The following MIR2052HG variants were observed in gnomAD, a reference collection of about 807,000 sequenced individuals.
The protein encoded by MIR2052HG is MIR2052 host gene.
intron 2 of MIR2052HG, among the ~76,000 whole-genome samples, chr8:74,639,110 G>A (rs973705244): frequency 2.0e-5 from 3 of 152,160 alleles, no homozygotes; most frequent in African/African-American, 7.2e-5. Flanking sequence ...GGTTTGAGTA[G>A]CCTTGAGATC....
chr8:74,748,092 G>A (rs919860243), intron 4 of MIR2052HG, among the ~76,000 whole-genome samples: 1 of 152,050 alleles, frequency 6.6e-6, no homozygotes, highest in African/African-American at 2.4e-5. Context: ...GAATTTTATG[G>A]CCTTTGTTTT....
intron 4 of MIR2052HG, among the ~76,000 whole-genome samples, chr8:74,710,500 G>A (rs1248791797): frequency 1.3e-5 from 2 of 152,102 alleles, no homozygotes; most frequent in South Asian, 2.1e-4. Flanking sequence ...GGTGACACTT[G>A]TCTTAATTTA....
intron 4 of MIR2052HG, among the ~76,000 whole-genome samples, chr8:74,712,254 G>T (rs1240423192): frequency 6.6e-6 from 1 of 152,062 alleles, no homozygotes; most frequent in Non-Finnish European, 1.5e-5. Context: ...AGTTTGCTAG[G>T]GTAAATGCTT....
At chr8:74,706,843 G>A (rs944557393) in intron 4 of MIR2052HG, among the ~76,000 whole-genome samples, 1 of 152,060 alleles carries the variant, frequency 6.6e-6, no homozygotes, top group African/African-American at 2.4e-5. Flanking sequence ...TTCTTGGCGG[G>A]GAAGGGCATA....
chr8:74,608,922 C>A (rs1586887025), intron 1 of MIR2052HG, among the ~76,000 whole-genome samples: 1 of 151,760 alleles, frequency 6.6e-6, no homozygotes, highest in Admixed American at 6.6e-5. Context: ...AAAGTAAATA[C>A]TTTTTAATGT....
At chr8:74,695,839 C>T (rs1473276559) in intron 2 of MIR2052HG, among the ~76,000 whole-genome samples, 1 of 152,020 alleles carries the variant, frequency 6.6e-6, no homozygotes, top group African/African-American at 2.4e-5. Context: ...TACTACTATA[C>T]CTAACAAATG....
chr8:74,672,254 C>T (rs1809001432), intron 2 of MIR2052HG, among the ~76,000 whole-genome samples: 1 of 152,086 alleles, frequency 6.6e-6, no homozygotes, highest in South Asian at 2.1e-4. Flanking sequence ...CTGGGTTTTG[C>T]AGGCCTAGCA....
chr8:74,681,334 A>AAT (rs1466418131), intron 2 of MIR2052HG, among the ~76,000 whole-genome samples: 2 of 152,064 alleles, frequency 1.3e-5, no homozygotes, highest in African/African-American at 2.4e-5. Context: ...TTTATTGGAA[A>AAT]ATATATATAT....
chr8:74,610,314 A>C (rs73337219), intron 1 of MIR2052HG, among the ~76,000 whole-genome samples: 5,553 of 152,038 alleles, frequency 0.037, 334 homozygotes, highest in African/African-American at 0.13. Flanking sequence ...AATAATCTTC[A>C]AAAGGTATGC....
At chr8:74,695,944 G>A (rs1221748977) in intron 2 of MIR2052HG, among the ~76,000 whole-genome samples, 1 of 151,976 alleles carries the variant, frequency 6.6e-6, no homozygotes, top group East Asian at 1.9e-4. Context: ...AAAAACAATG[G>A]ACTTAAACTA....
chr8:74,740,990 A>G (rs115964324), intron 4 of MIR2052HG, among the ~76,000 whole-genome samples: 203 of 152,338 alleles, frequency 1.3e-3, no homozygotes, highest in African/African-American at 4.7e-3. Context: ...TGAATTAGCA[A>G]ATACTAAATC....
intron 2 of MIR2052HG, among the ~76,000 whole-genome samples, chr8:74,642,038 A>G (rs59857752): frequency 5.9e-5 from 9 of 152,234 alleles, no homozygotes; most frequent in African/African-American, 2.2e-4. Context: ...CTATGTACTT[A>G]GAACCTTTCA....
At chr8:74,693,244 A>C (rs750242112) in intron 2 of MIR2052HG, among the ~76,000 whole-genome samples, 17 of 152,246 alleles carry the variant, frequency 1.1e-4, no homozygotes, top group Non-Finnish European at 1.9e-4. Context: ...ATACATGGCT[A>C]GAAGAAGCAG....
At chr8:74,696,354 G>T (rs1809296181) in intron 2 of MIR2052HG, among the ~76,000 whole-genome samples, 1 of 152,000 alleles carries the variant, frequency 6.6e-6, no homozygotes, top group South Asian at 2.1e-4. Context: ...GGCATTAAAT[G>T]GCTACATGAA....
At chr8:74,717,220 T>C (rs956360959) in intron 4 of MIR2052HG, among the ~76,000 whole-genome samples, 1 of 152,094 alleles carries the variant, frequency 6.6e-6, no homozygotes, top group Non-Finnish European at 1.5e-5. Flanking sequence ...TGTGTTCTTA[T>C]TGTTCACCTC....
chr8:74,729,334 T>C lies in MIR2052HG; in HGVS notation n.372-23107T>C, dbSNP rs143337413. On this transcript the variant is annotated intron_variant and non_coding_transcript_variant, in intron 4 of 6. Coordinates refer to ENST00000523442, the Ensembl canonical transcript of MIR2052HG. The stretch of plus-strand genomic sequence containing the variant: ...AGTGGTTTTATAAAGTGTGCTATTA[T>C]TGAATCTCATCAAATTTAAGATGTA... Among the ~76,000 whole-genome samples, 127 of 152,266 alleles carry C rather than the reference T, an allele frequency of 8.3e-4. 2 individuals carry two copies. The East Asian group carries it at 0.024, about 28-fold the overall frequency.
chr8:74,655,346 CT>C (rs1808793959), intron 2 of MIR2052HG, among the ~76,000 whole-genome samples: 1 of 152,196 alleles, frequency 6.6e-6, no homozygotes, highest in Non-Finnish European at 1.5e-5. Context: ...TGTCATAGGT[CT>C]TCATGGCAGT....
At chr8:74,655,347 T>G (rs1808793930) in intron 2 of MIR2052HG, among the ~76,000 whole-genome samples, 1 of 152,144 alleles carries the variant, frequency 6.6e-6, no homozygotes, top group Admixed American at 6.5e-5. Flanking sequence ...GTCATAGGTC[T>G]TCATGGCAGT....
At chr8:74,731,465 G>A (rs970457340) in intron 4 of MIR2052HG, among the ~76,000 whole-genome samples, 1 of 152,170 alleles carries the variant, frequency 6.6e-6, no homozygotes, top group African/African-American at 2.4e-5. Context: ...CACAGACATG[G>A]AATTCCACGC....
Sources: allele counts gnomAD v4.1 joint callset (sites outside exome capture counted in the v4.1 genomes callset), GRCh38; gene constraint gnomAD v4.1.1; transcripts MANE v1.5; gene names NCBI Gene and HGNC (gene_info 2026-07-23, HGNC 2026-07-21).